The following STAB2 variants were observed in gnomAD, a reference collection of about 807,000 sequenced individuals.
STAB2 encodes the protein stabilin-2.
In STAB2, 288 loss-of-function variants were observed where a neutral mutation model predicts 338.1. That is an observed-to-expected ratio of 0.85 (90% CI 0.77 to 0.94). The LOEUF (loss-of-function observed/expected upper bound fraction) is 0.94, where lower values mean the gene tolerates loss of function less well. Among genes scored for constraint, STAB2 ranks in the 40% least tolerant of loss-of-function variants. The pLI is 0.00. For missense variants in STAB2, 3,141 were observed against 3,210.1 expected (o/e 0.98, Z 0.52); for synonymous variants, 1,202 against 1,193.3 (o/e 1.01, Z -0.15).
Position 103,705,651 on chromosome 12 carries a change from G to A in STAB2, c.3920G>A (p.Cys1307Tyr). 5 of 1,614,140 alleles carry A rather than the reference G, an allele frequency of 3.1e-6. No homozygotes were observed. Among genetic ancestry groups the A allele is most frequent in the Non-Finnish European group, 4.2e-6 (5 of 1,179,968 alleles). ...TCACAGGGTAATGAGAAGAGGAGAT[G>A]CATCTATACCTCCTATTTCATGGGA... ...TKSLGNEKRRCIYTSYFMGRR... is the reference protein window; with the variant it reads ...TKSLGNEKRRYIYTSYFMGRR... The change falls in exon 37 of 69, where the codon TGC (cysteine) becomes TAC (tyrosine). Residue 1307 changes from cysteine to tyrosine, a missense_variant. Coordinates refer to ENST00000388887, the MANE Select transcript of STAB2 (RefSeq NM_017564.10).
At chr12:103,612,205 G>A (rs531194124) in intron 3 of STAB2, among the ~76,000 whole-genome samples, 1 of 152,280 alleles carries the variant, frequency 6.6e-6, no homozygotes, top group South Asian at 2.1e-4. Flanking sequence ...GGCATTCTCT[G>A]TATTTCCTGA....
At chr12:103,655,703 C>A in intron 15 of STAB2, 122 bp downstream of exon 15, 2 of 1,205,490 alleles carry the variant, frequency 1.7e-6, no homozygotes, top group Non-Finnish European at 2.3e-6. Flanking sequence ...CACCTACCCT[C>A]CAACAACCAA....
At chr12:103,646,801 A>G (rs1276313380) in intron 9 of STAB2, among the ~76,000 whole-genome samples, 2 of 152,216 alleles carry the variant, frequency 1.3e-5, no homozygotes, top group African/African-American at 2.4e-5. Context: ...GTTGGGATCC[A>G]TCTTCTAGGA....
chr12:103,613,655 C>T (rs1957164288), intron 3 of STAB2, among the ~76,000 whole-genome samples: 1 of 152,130 alleles, frequency 6.6e-6, no homozygotes, highest in Non-Finnish European at 1.5e-5. Context: ...AATGCCTCGC[C>T]CTGCTTCAGC....
intron 3 of STAB2, among the ~76,000 whole-genome samples, chr12:103,601,801 A>G (rs913754047): frequency 2.0e-5 from 3 of 152,360 alleles, no homozygotes; most frequent in African/African-American, 7.2e-5. Context: ...ATAGACATTT[A>G]TGAATCTAGT....
At chr12:103,750,329 C>T (rs116258341) in intron 59 of STAB2, among the ~76,000 whole-genome samples, 3,334 of 152,276 alleles carry the variant, frequency 0.022, 136 homozygotes, top group African/African-American at 0.076. Context: ...AATGGAAAAG[C>T]TACTTATGTA....
chr12:103,763,833 G>A, intron 68 of STAB2: 1 of 449,588 alleles, frequency 2.2e-6, no homozygotes, highest in Admixed American at 3.9e-5. Flanking sequence ...AACAAACAGA[G>A]ACAGGCGAGA....
At position 103,757,154 on chromosome 12, in the gene STAB2, T is replaced by C. The variant is rs59502182; in HGVS notation, c.6988-1016T>C. The stretch of plus-strand genomic sequence containing the variant: ...CCCAGGCTGGAGTACAGTGGCATGA[T>C]CTCGGCTCATGGCAGCCTCAACCTC... On this transcript the variant is annotated intron_variant, in intron 63 of 68. Coordinates refer to ENST00000388887, the MANE Select transcript of STAB2 (RefSeq NM_017564.10). 9.7e-3 allele frequency among the ~76,000 whole-genome samples: 1,475 copies of C among 151,776 alleles called. 45 individuals carry two copies. The East Asian group carries it at 0.098, about 10-fold the overall frequency.
At position 103,626,137 on chromosome 12, in the gene STAB2, C is replaced by T. The variant is rs528609118; in HGVS notation, c.487+4026C>T. ...AGAAAAACCTCCAAGCTCTGGATTC[C>T]AATAGAACTTTCTGTGATGATAGAA... On this transcript the variant is annotated intron_variant, in intron 5 of 68. Coordinates refer to ENST00000388887, the MANE Select transcript of STAB2 (RefSeq NM_017564.10). 2.0e-5 allele frequency among the ~76,000 whole-genome samples: 3 copies of T among 152,278 alleles called. No individual in the cohort carries two copies. The East Asian group carries it at 5.8e-4, about 29-fold the overall frequency.
intron 11 of STAB2, among the ~76,000 whole-genome samples, chr12:103,651,545 C>T (rs1006427491): frequency 2.0e-5 from 3 of 151,632 alleles, no homozygotes; most frequent in Non-Finnish European, 4.4e-5. Flanking sequence ...ATCTCCTGAC[C>T]TCGTGATCTG....
chr12:103,609,362 T>C (rs1957084257), intron 3 of STAB2, among the ~76,000 whole-genome samples: 2 of 152,224 alleles, frequency 1.3e-5, no homozygotes, highest in Admixed American at 1.3e-4. Flanking sequence ...TTTTATTTCA[T>C]TGAGCAGTGG....
At chr12:103,591,476 C>T (rs928724347) in intron 2 of STAB2, among the ~76,000 whole-genome samples, 1 of 152,104 alleles carries the variant, frequency 6.6e-6, no homozygotes, top group African/African-American at 2.4e-5. Flanking sequence ...CAGAGTGAAA[C>T]TATATCTCAA....
intron 12 of STAB2, among the ~76,000 whole-genome samples, chr12:103,653,338 A>G (rs1873884852): frequency 6.6e-6 from 1 of 152,196 alleles, no homozygotes; most frequent in African/African-American, 2.4e-5. Context: ...TAAGCAAAGT[A>G]TGGGGATAAA....
At chr12:103,725,397 G>C (rs946254602) in intron 45 of STAB2, among the ~76,000 whole-genome samples, 11 of 152,196 alleles carry the variant, frequency 7.2e-5, no homozygotes, top group Admixed American at 2.0e-4. Flanking sequence ...TCACCTCTCT[G>C]TATATCAATT....
chr12:103,589,135 C>T (rs545927291), intron 1 of STAB2, among the ~76,000 whole-genome samples: 1 of 152,236 alleles, frequency 6.6e-6, no homozygotes, highest in South Asian at 2.1e-4. Flanking sequence ...TAAGATAATA[C>T]CTTTGAATGG....
chr12:103,766,205 C>T (rs770125456), intron 68 of STAB2, 81 bp from the exon 69 acceptor site: 1 of 1,568,514 alleles, frequency 6.4e-7, no homozygotes, highest in Non-Finnish European at 8.8e-7. Context: ...AGTCATGCCT[C>T]AGACCAGTGG....
chr12:103,708,589 C>A, intron 39 of STAB2, 53 bp downstream of exon 39: 2 of 1,526,080 alleles, frequency 1.3e-6, no homozygotes, highest in Non-Finnish European at 1.8e-6. Context: ...TGCTTCTCAG[C>A]AGCTACATTT....
chr12:103,752,782 T>C (rs1304036598), intron 60 of STAB2, among the ~76,000 whole-genome samples: 1 of 152,202 alleles, frequency 6.6e-6, no homozygotes, highest in Non-Finnish European at 1.5e-5. Context: ...AAAAGATTTA[T>C]GAAAACTACA....
rs1884540010 is a variant in STAB2 at position 103,761,525 on chromosome 12, G to A, written c.7359+115G>A. On this transcript the variant is annotated intron_variant, in intron 66 of 68. Transcript: ENST00000388887. ...CTCCCTCTTCCTCCAGAGACTGGAG[G>A]AGCCTCCAGCCTCCAACCTCCAAGG... 14 of 933,314 alleles carry A rather than the reference G, an allele frequency of 1.5e-5. No individual in the cohort carries two copies. In the South Asian group the frequency reaches 1.9e-4, roughly 13 times the overall value. The allele number at this position is 933,314 out of a possible 1,614,324, so 57.8% of individuals were successfully genotyped here. A position where few individuals can be genotyped will look rare whatever the true frequency, so the allele number is the denominator to read the frequency against.
Sources: allele counts gnomAD v4.1 joint callset (sites outside exome capture counted in the v4.1 genomes callset), GRCh38; gene constraint gnomAD v4.1.1; transcripts MANE v1.5; gene names NCBI Gene and HGNC (gene_info 2026-07-23, HGNC 2026-07-21).